The following ARHGAP28 variants were observed in gnomAD, a reference collection of about 807,000 sequenced individuals.
The protein encoded by ARHGAP28 is rho GTPase-activating protein 28.
ARHGAP28 carries 56 observed loss-of-function variants against 90.7 expected under a neutral mutation model. That is an observed-to-expected ratio of 0.62 (90% CI 0.50 to 0.77). The LOEUF (loss-of-function observed/expected upper bound fraction) is 0.77. Among genes scored for constraint, ARHGAP28 ranks in the 30% least tolerant of loss-of-function variants. The pLI is 0.00. For missense variants in ARHGAP28, 869 were observed against 900.9 expected, an observed-to-expected ratio of 0.96 and a Z score of 0.45; for synonymous variants, 308 against 323.3, an observed-to-expected ratio of 0.95 and a Z score of 0.51.
chr18:6,772,922 G>A (rs1395885753), intron 1 of ARHGAP28, among the ~76,000 whole-genome samples: 1 of 151,872 alleles, frequency 6.6e-6, no homozygotes, highest in African/African-American at 2.4e-5. Context: ...TGTATTATTA[G>A]TAGAGATGGG....
chr18:6,839,398 A>C (rs377041743), intron 3 of ARHGAP28, among the ~76,000 whole-genome samples: 16 of 147,864 alleles, frequency 1.1e-4, no homozygotes, highest in African/African-American at 4.0e-4. Flanking sequence ...GGTTCACGCC[A>C]TTCTCCCCCC....
At chr18:6,807,274 T>C (rs1222272272) in intron 1 of ARHGAP28, among the ~76,000 whole-genome samples, 1 of 152,190 alleles carries the variant, frequency 6.6e-6, no homozygotes, top group Non-Finnish European at 1.5e-5. Flanking sequence ...GTCTACTAAT[T>C]CTGTCACCTG....
intron 1 of ARHGAP28, among the ~76,000 whole-genome samples, chr18:6,774,612 C>A (rs1158511964): frequency 6.6e-6 from 1 of 152,120 alleles, no homozygotes; most frequent in South Asian, 2.1e-4. Context: ...TTAAACTAAC[C>A]CAATCTTTCC....
chr18:6,840,026 T>C (rs2143886004), intron 3 of ARHGAP28, among the ~76,000 whole-genome samples: 1 of 152,344 alleles, frequency 6.6e-6, no homozygotes, highest in Middle Eastern at 3.4e-3. Flanking sequence ...GATACCCTTC[T>C]GTTCTGGTGG....
At chr18:6,752,229 T>A (rs2056075215) in intron 1 of ARHGAP28, among the ~76,000 whole-genome samples, 1 of 152,174 alleles carries the variant, frequency 6.6e-6, no homozygotes, top group Admixed American at 6.5e-5. Flanking sequence ...TTTTTATTAA[T>A]CCTCATTGCT....
intron 1 of ARHGAP28, among the ~76,000 whole-genome samples, chr18:6,811,780 A>G (rs571104329): frequency 6.6e-6 from 1 of 152,230 alleles, no homozygotes; most frequent in African/African-American, 2.4e-5. Flanking sequence ...TTGTAAAAGC[A>G]TATTTCTCAA....
chr18:6,834,684 G>C (rs1394283296), intron 2 of ARHGAP28: 1 of 152,224 alleles, frequency 6.6e-6, no homozygotes, highest in East Asian at 1.9e-4. Context: ...ACAAGAGAGA[G>C]GATGTAGCTC....
intron 1 of ARHGAP28, among the ~76,000 whole-genome samples, chr18:6,787,503 C>G (rs1475942693): frequency 6.6e-6 from 1 of 152,034 alleles, no homozygotes; most frequent in African/African-American, 2.4e-5. Context: ...TGGTGGTTTT[C>G]AACAATGGAA....
intron 3 of ARHGAP28, among the ~76,000 whole-genome samples, chr18:6,850,285 T>C (rs1448243265): frequency 6.6e-6 from 1 of 152,250 alleles, no homozygotes; most frequent in African/African-American, 2.4e-5. Flanking sequence ...TTTTGTAGAA[T>C]GTTTATCACT....
rs151145087 is a variant in ARHGAP28, at chr18:6,860,294, G to A, written c.726+397G>A. Among the ~76,000 whole-genome samples the A allele has an allele frequency of 1.4e-3, 220 of 152,304 alleles. 1 individual carries two copies. Among genetic ancestry groups the A allele is most frequent in the African/African-American group, 5.1e-3 (213 of 41,550 alleles). ...ATAAATTCAAAACCTTCATCTTGATGTTGAAGGCTCTCCACTATGCCTTAG... is the reference window on the plus strand; with the variant it reads ...ATAAATTCAAAACCTTCATCTTGATATTGAAGGCTCTCCACTATGCCTTAG... On this transcript the variant is annotated intron_variant, in intron 5 of 17. Coordinates refer to ENST00000383472, the MANE Select transcript of ARHGAP28 (RefSeq NM_001366230.1).
intron 1 of ARHGAP28, among the ~76,000 whole-genome samples, chr18:6,732,298 A>C (rs191923220): frequency 6.6e-6 from 1 of 151,946 alleles, no homozygotes; most frequent in African/African-American, 2.4e-5. Context: ...TTAACTGCCA[A>C]CCTCAACCTG....
Position 6,782,592 on chromosome 18 carries a change from ATTTTTTTTTTTTTT to A in ARHGAP28, c.123-42146_123-42133del, listed in dbSNP as rs10602816. On this transcript the variant is annotated intron_variant, in intron 1 of 17. Coordinates refer to ENST00000383472, the MANE Select transcript of ARHGAP28 (RefSeq NM_001366230.1). Reference sequence around the variant, plus strand: ...GCCATCACGCCCAGCTAATTTTTGTATTTTTTTTTTTTTTTTTTTTTTTTTTTTTTTTTTTTTAG... The same window carrying A: ...GCCATCACGCCCAGCTAATTTTTGTATTTTTTTTTTTTTTTTTTTTTTTAG... Among the ~76,000 whole-genome samples the A allele has an allele frequency of 3.3e-3, 88 of 26,694 alleles. 2 individuals are homozygous for A. The highest frequency in any genetic ancestry group is 5.6e-3 in the Admixed American group (8 of 1,434). 17.5% of individuals were successfully genotyped at this position (26,694 alleles called of 152,430 possible). A position where few individuals can be genotyped will look rare whatever the true frequency, so the allele number is the denominator to read the frequency against.
intron 5 of ARHGAP28, 113 bp from the exon 6 acceptor site, chr18:6,868,037 T>G (rs2057051327): frequency 2.4e-6 from 2 of 843,942 alleles, no homozygotes; most frequent in African/African-American, 3.4e-5. Flanking sequence ...CAAGAATGGC[T>G]TTTTTTATGT....
At chr18:6,885,850 C>G (rs1231009707) in intron 11 of ARHGAP28, among the ~76,000 whole-genome samples, 1 of 147,178 alleles carries the variant, frequency 6.8e-6, no homozygotes, top group Admixed American at 6.8e-5. Flanking sequence ...CAGTCCTCAG[C>G]CTGCAGTTTA....
At chr18:6,862,664 A>T (rs62082830) in intron 5 of ARHGAP28, among the ~76,000 whole-genome samples, 38,253 of 152,114 alleles carry the variant, frequency 0.25, 5,028 homozygotes, top group Middle Eastern at 0.38. Context: ...CCAGATGAAC[A>T]TAGAAAAAGG....
chr18:6,780,861 C>G (rs2056318806), intron 1 of ARHGAP28, among the ~76,000 whole-genome samples: 1 of 150,874 alleles, frequency 6.6e-6, no homozygotes, highest in African/African-American at 2.4e-5. Flanking sequence ...CATTTGCACT[C>G]CAGCCTAGGC....
intron 1 of ARHGAP28, among the ~76,000 whole-genome samples, chr18:6,792,268 T>C (rs1157357874): frequency 1.3e-5 from 2 of 152,196 alleles, no homozygotes; most frequent in East Asian, 1.9e-4. Flanking sequence ...ACGTCAAAAC[T>C]CATCAGGTCG....
intron 1 of ARHGAP28, among the ~76,000 whole-genome samples, chr18:6,791,907 T>C (rs2056409465): frequency 6.6e-6 from 1 of 152,010 alleles, no homozygotes; most frequent in Non-Finnish European, 1.5e-5. Flanking sequence ...GGCTGGATTC[T>C]CCTGCCTCAG....
chr18:6,850,000 C>T (rs769710206), intron 3 of ARHGAP28, among the ~76,000 whole-genome samples: 25 of 152,010 alleles, frequency 1.6e-4, no homozygotes, highest in Non-Finnish European at 4.4e-5. Context: ...CACTTATTTT[C>T]CGTATATTTT....
Sources: gnomAD v4.1 joint callset for allele counts (sites outside exome capture counted in the v4.1 genomes callset) on GRCh38, gnomAD v4.1.1 for gene constraint, MANE v1.5 for transcripts, NCBI Gene and HGNC (gene_info 2026-07-23, HGNC 2026-07-21) for gene names.